BASP1: variants seen among roughly 807,000 people sequenced by gnomAD.
BASP1 encodes brain acid soluble protein 1.
In BASP1, 1 loss-of-function variant was observed where a neutral mutation model predicts 2.2. That is an observed-to-expected ratio of 0.46 (90% CI 0.16 to 2.17). The LOEUF is 2.17. Among genes scored for constraint, BASP1 ranks in the 30% most tolerant of loss-of-function variants. The pLI is 0.27. For missense variants in BASP1, 352 were observed against 327.2 expected (o/e 1.08, Z -0.58); for synonymous variants, 187 against 154.2 (o/e 1.21, Z -1.58).
chr5:17,259,613 CA>C (rs1019945927), intron 1 of BASP1, among the ~76,000 whole-genome samples: 6 of 151,358 alleles, frequency 4.0e-5, no homozygotes, highest in East Asian at 1.9e-4. Context: ...CTGTTGGTGC[CA>C]AAAAAAATTG....
At chr5:17,232,437 G>GTA (rs1242158665) in intron 1 of BASP1, among the ~76,000 whole-genome samples, 29 of 152,228 alleles carry the variant, frequency 1.9e-4, no homozygotes, top group African/African-American at 6.5e-4. Context: ...ACCTAATGAA[G>GTA]TAAAAACGAA....
intron 1 of BASP1, among the ~76,000 whole-genome samples, chr5:17,243,998 C>G (rs917157099): frequency 6.6e-6 from 1 of 152,232 alleles, no homozygotes; most frequent in Non-Finnish European, 1.5e-5. Flanking sequence ...TATATCCTTA[C>G]ATTGTAAACT....
intron 1 of BASP1, among the ~76,000 whole-genome samples, chr5:17,222,719 A>G (rs1739414437): frequency 6.6e-6 from 1 of 152,194 alleles, no homozygotes; most frequent in Non-Finnish European, 1.5e-5. Context: ...AACATAAAAA[A>G]TTATTTCTTA....
At chr5:17,221,429 A>G (rs1012143308) in intron 1 of BASP1, among the ~76,000 whole-genome samples, 3 of 150,178 alleles carry the variant, frequency 2.0e-5, no homozygotes, top group African/African-American at 4.9e-5. Flanking sequence ...GTCAGAAGCA[A>G]TTGCCCTTGG....
rs1214683232 is a variant in BASP1 at position 17,275,918 on chromosome 5, AAAAACAATACCACTT to A, written c.*27_*41del. On this transcript the variant is annotated 3_prime_UTR_variant, in exon 2 of 2. Transcript: ENST00000322611. The surrounding 1 kb of genome is among the most constrained non-coding windows in gnomAD (Gnocchi z 5.3). ...AAGAGTGACAAGGACAGCCTATAGG[AAAAACAATACCACTT>A]AAAACAATCTCCTCTCTCTCTCTCT... 6.5e-7 allele frequency: 1 copy of A among 1,540,020 alleles called. No homozygotes were observed. Among genetic ancestry groups the A allele is most frequent in the African/African-American group, 1.4e-5 (1 of 70,900 alleles).
intron 1 of BASP1, among the ~76,000 whole-genome samples, chr5:17,247,316 C>G (rs1732182043): frequency 6.6e-6 from 1 of 152,234 alleles, no homozygotes; most frequent in Admixed American, 6.5e-5. Context: ...GTATAGGCCA[C>G]TGGATCTCAG....
At position 17,275,103 on chromosome 5, in the gene BASP1, C is replaced by A; in HGVS notation, c.-9-105C>A. The A allele has an allele frequency of 2.1e-6, 2 of 965,386 alleles. No individual in the cohort carries two copies. Among genetic ancestry groups the A allele is most frequent in the South Asian group, 1.6e-5 (1 of 63,986 alleles). The allele number at this position is 965,386 out of a possible 1,614,324, so 59.8% of individuals were successfully genotyped here. On this transcript the variant is annotated intron_variant, in intron 1 of 1. Coordinates refer to ENST00000322611, the MANE Select transcript of BASP1 (RefSeq NM_006317.5). The surrounding 1 kb of genome is among the most constrained non-coding windows in gnomAD (Gnocchi z 5.3). ...TACCATGCCACCCCTTTGGGGTGTGCAGTGCAGCAGGCCCAGAACCCCTTG... is the reference window on the plus strand; with the variant it reads ...TACCATGCCACCCCTTTGGGGTGTGAAGTGCAGCAGGCCCAGAACCCCTTG...
chr5:17,262,198 A>G lies in BASP1; in HGVS notation c.-9-13010A>G, dbSNP rs751425684. 5.0e-4 allele frequency among the ~76,000 whole-genome samples: 76 copies of G among 152,322 alleles called. No homozygotes were observed. In the Middle Eastern group the frequency reaches 0.01, roughly 20 times the overall value. ...GAGTCCATCTTTTCTCACTCCAAGT[A>G]TCTGAGAGTCCTCTCCTTCCTCTTA... On this transcript the variant is annotated intron_variant, in intron 1 of 1. Coordinates refer to ENST00000322611, the MANE Select transcript of BASP1 (RefSeq NM_006317.5).
chr5:17,275,495 G>T lies in BASP1; in HGVS notation c.279G>T (p.Ala93=), dbSNP rs1255906797. Residue 93 remains alanine (A), a synonymous_variant, in exon 2 of 2, where the codon GCG becomes GCT. Coordinates refer to ENST00000322611, the MANE Select transcript of BASP1 (RefSeq NM_006317.5). The surrounding 1 kb of genome is among the most constrained non-coding windows in gnomAD (Gnocchi z 5.3). ...PKAEPEKTEG[A]AEAKAEPPKA... is the part of the protein sequence containing the mutation. ...CGGAGCCCGAGAAGACGGAGGGCGC[G>T]GCAGAGGCCAAGGCTGAGCCCCCGA... is the stretch of plus-strand genomic sequence containing the variant. The T allele has an allele frequency of 6.8e-7, 1 of 1,478,728 alleles. No homozygotes were observed. The allele number at this position is 1,478,728 out of a possible 1,614,324, so 91.6% of individuals were successfully genotyped here. A position where few individuals can be genotyped will look rare whatever the true frequency, so the allele number is the denominator to read the frequency against.
intron 1 of BASP1, among the ~76,000 whole-genome samples, chr5:17,235,143 C>T (rs1248268319): frequency 2.0e-5 from 3 of 152,142 alleles, no homozygotes; most frequent in Non-Finnish European, 4.4e-5. Flanking sequence ...TACTGTCAGA[C>T]TCCTTGGGGA....
At chr5:17,250,765 C>T (rs568455578) in intron 1 of BASP1, among the ~76,000 whole-genome samples, 2 of 152,208 alleles carry the variant, frequency 1.3e-5, no homozygotes, top group East Asian at 1.9e-4. Context: ...CCACCATGCC[C>T]GGCTAATTTG....
intron 1 of BASP1, among the ~76,000 whole-genome samples, chr5:17,219,023 G>A (rs1254306449): frequency 6.6e-6 from 1 of 152,098 alleles, no homozygotes; most frequent in Non-Finnish European, 1.5e-5. Flanking sequence ...CTCCCCCGCG[G>A]CCACTCGCAC....
chr5:17,225,960 C>G (rs1039543992), intron 1 of BASP1, among the ~76,000 whole-genome samples: 8 of 152,134 alleles, frequency 5.3e-5, no homozygotes, highest in African/African-American at 1.9e-4. Flanking sequence ...CTAAAGCATA[C>G]TATTGGGATG....
At chr5:17,239,251 ATCTG>A (rs1739809820) in intron 1 of BASP1, among the ~76,000 whole-genome samples, 1 of 151,814 alleles carries the variant, frequency 6.6e-6, no homozygotes, top group Non-Finnish European at 1.5e-5. Context: ...CCGCCACCAT[ATCTG>A]GCTAATTTTT....
chr5:17,275,953 CTCT>C lies in BASP1; in HGVS notation c.*54_*56del. The stretch of plus-strand genomic sequence containing the variant: ...CCACTTAAAACAATCTCCTCTCTCT[CTCT>C]CTCTCTCTCTCTCTATCTCTCTCTC... On this transcript the variant is annotated 3_prime_UTR_variant, in exon 2 of 2. Transcript: ENST00000322611. The surrounding 1 kb of genome is among the most constrained non-coding windows in gnomAD (Gnocchi z 5.3). 7.2e-7 allele frequency: 1 copy of C among 1,386,068 alleles called. No homozygotes were observed. Among genetic ancestry groups the C allele is most frequent in the South Asian group, 1.5e-5 (1 of 67,336 alleles). 85.9% of individuals were successfully genotyped at this position (1,386,068 alleles called of 1,614,324 possible).
Position 17,236,332 on chromosome 5 carries a change from C to T in BASP1, c.-10+18522C>T, listed in dbSNP as rs1256495657. ...AGGCTGGAGTGTAATGGCGTGATCT[C>T]GGCTCACTGTGGCCTCTGCCTCCCG... On this transcript the variant is annotated intron_variant, in intron 1 of 1. Coordinates refer to ENST00000322611, the MANE Select transcript of BASP1 (RefSeq NM_006317.5). This position sits in a 1 kb window ranked among gnomAD's most constrained non-coding sequence, Gnocchi z 4.0. Among the ~76,000 whole-genome samples, 1 of 152,240 alleles carries T rather than the reference C, an allele frequency of 6.6e-6. No individual in the cohort carries two copies. Among genetic ancestry groups the T allele is most frequent in the Non-Finnish European group, 1.5e-5 (1 of 68,014 alleles).
chr5:17,250,667 C>T lies in BASP1; in HGVS notation c.-9-24541C>T, dbSNP rs1327475163. On this transcript the variant is annotated intron_variant, in intron 1 of 1. Transcript: ENST00000322611. ...TCGCCCAGGCTGGAGTGCAGTGGCCCGATCTCGGCTCACTGTAAGCTCCAC... is the reference window on the plus strand; with the variant it reads ...TCGCCCAGGCTGGAGTGCAGTGGCCTGATCTCGGCTCACTGTAAGCTCCAC... 4.6e-5 allele frequency among the ~76,000 whole-genome samples: 7 copies of T among 152,204 alleles called. No homozygotes were observed. The South Asian group carries it at 6.2e-4, about 14-fold the overall frequency.
In BASP1 at chr5:17,275,215, A is replaced by G; in HGVS notation, c.-2A>G. ...TTTTGTGTTTGCTTCCAGAACTCCA[A>G]GATGGGAGGCAAGCTCAGCAAGAAG... On this transcript the variant is annotated 5_prime_UTR_variant, in exon 2 of 2. Transcript: ENST00000322611. The surrounding 1 kb of genome is among the most constrained non-coding windows in gnomAD (Gnocchi z 5.3). 1.9e-6 allele frequency: 3 copies of G among 1,613,464 alleles called. No homozygotes were observed. The highest frequency in any genetic ancestry group is 2.5e-6 in the Non-Finnish European group (3 of 1,179,894).
intron 1 of BASP1, among the ~76,000 whole-genome samples, chr5:17,271,249 G>C (rs1246989273): frequency 6.6e-6 from 1 of 152,144 alleles, no homozygotes; most frequent in African/African-American, 2.4e-5. Context: ...AGCCTCCCCA[G>C]TAGCTGGGAT....
Sources: gnomAD v4.1 joint callset for allele counts (sites outside exome capture counted in the v4.1 genomes callset) on GRCh38, gnomAD v4.1.1 for gene constraint, Gnocchi (gnomAD v3.1) non-coding constraint, MANE v1.5 for transcripts, NCBI Gene and HGNC (gene_info 2026-07-23, HGNC 2026-07-21) for gene names.